Variants in TOP6BL observed in about 807,000 individuals in gnomAD.
TOP6BL encodes type 2 DNA topoisomerase 6 subunit B-like.
chr11:66,819,628 A>G, the TOP6BL span, among the ~76,000 whole-genome samples: 1 of 151,934 alleles, frequency 6.6e-6, no homozygotes, highest in Non-Finnish European at 1.5e-5. Context: ...TTGCCCGGGC[A>G]TGGTCCCTCA....
At chr11:66,772,512 T>C in the TOP6BL span, among the ~76,000 whole-genome samples, 2 of 152,016 alleles carry the variant, frequency 1.3e-5, no homozygotes, top group South Asian at 4.2e-4. Context: ...CTCATGCCTG[T>C]AATCTCAGCA....
the TOP6BL span, among the ~76,000 whole-genome samples, chr11:66,805,564 C>T: frequency 6.6e-6 from 1 of 151,568 alleles, no homozygotes; most frequent in African/African-American, 2.4e-5. Flanking sequence ...CGGACTCAAA[C>T]CATCCTCCCA....
chr11:66,753,963 C>A, the TOP6BL span, among the ~76,000 whole-genome samples: 2 of 152,216 alleles, frequency 1.3e-5, no homozygotes, highest in South Asian at 4.1e-4. Flanking sequence ...GCTCAGCCTC[C>A]CAAAGTGCTG....
the TOP6BL span, among the ~76,000 whole-genome samples, chr11:66,817,955 A>G: frequency 6.6e-6 from 1 of 152,176 alleles, no homozygotes; most frequent in Admixed American, 6.6e-5. Flanking sequence ...AGTGTTTCTC[A>G]ATGCCCTCCT....
the TOP6BL span, chr11:66,804,183 C>G: frequency 6.2e-7 from 1 of 1,608,710 alleles, no homozygotes; most frequent in Non-Finnish European, 8.5e-7. Flanking sequence ...AGGATTTCTT[C>G]AGTTTCCATA....
At chr11:66,777,308 T>G in the TOP6BL span, among the ~76,000 whole-genome samples, 1 of 151,984 alleles carries the variant, frequency 6.6e-6, no homozygotes, top group Non-Finnish European at 1.5e-5. Flanking sequence ...GCAGGATAGT[T>G]TAGTGTCTAG....
the TOP6BL span, among the ~76,000 whole-genome samples, chr11:66,819,821 T>G: frequency 6.6e-6 from 1 of 151,164 alleles, no homozygotes; most frequent in East Asian, 1.9e-4. Context: ...GATAATCACT[T>G]GAATCCAGGA....
the TOP6BL span, among the ~76,000 whole-genome samples, chr11:66,779,725 C>T: frequency 1.3e-4 from 20 of 152,128 alleles, no homozygotes; most frequent in East Asian, 1.4e-3. Flanking sequence ...ATGTTTACTG[C>T]GGCACTATTC....
the TOP6BL span, chr11:66,800,605 C>T: frequency 3.9e-6 from 6 of 1,525,776 alleles, no homozygotes; most frequent in Non-Finnish European, 3.6e-6. Flanking sequence ...TATCTTGGCT[C>T]ATGTTAAATC....
the TOP6BL span, among the ~76,000 whole-genome samples, chr11:66,795,521 C>T: frequency 4.5e-4 from 69 of 151,882 alleles, no homozygotes; most frequent in Non-Finnish European, 8.8e-4. Context: ...AGGTTGGTCT[C>T]GAACTCCTGA....
At chr11:66,757,103 G>T in the TOP6BL span, among the ~76,000 whole-genome samples, 1 of 152,034 alleles carries the variant, frequency 6.6e-6, no homozygotes, top group Non-Finnish European at 1.5e-5. Context: ...AGCACTTTGG[G>T]AGGCTGAGGC....
chr11:66,782,169 G>A, the TOP6BL span, among the ~76,000 whole-genome samples: 1 of 152,156 alleles, frequency 6.6e-6, no homozygotes, highest in Non-Finnish European at 1.5e-5. Context: ...TGGGTCTAGA[G>A]CACACCTTCA....
the TOP6BL span, among the ~76,000 whole-genome samples, chr11:66,811,137 G>C: frequency 6.6e-6 from 1 of 151,946 alleles, no homozygotes; most frequent in East Asian, 1.9e-4. Flanking sequence ...ATGTGTGTGT[G>C]TGACATATCT....
At chr11:66,798,454 G>T in the TOP6BL span, among the ~76,000 whole-genome samples, 1 of 151,802 alleles carries the variant, frequency 6.6e-6, no homozygotes. Flanking sequence ...ACAAAAATTA[G>T]TCGGGTGTGG....
chr11:66,745,793 G>GGTTTGTTTGTTTGTTT, the TOP6BL span, among the ~76,000 whole-genome samples: 1 of 151,334 alleles, frequency 6.6e-6, no homozygotes, highest in East Asian at 2.0e-4. Flanking sequence ...ATATCTTTAG[G>GGTTTGTTTGTTTGTTT]GTTTGTTTGT....
At chr11:66,756,492 C>T in the TOP6BL span, 1 of 1,067,176 alleles carries the variant, frequency 9.4e-7, no homozygotes, top group Non-Finnish European at 1.1e-6. Context: ...ACCACCATGC[C>T]TGGCTAATTA....
chr11:66,843,006 G>T, the TOP6BL span: 1 of 1,550,934 alleles, frequency 6.4e-7, no homozygotes. Flanking sequence ...GAGGAAGGGA[G>T]CACCGCGAGG....
the TOP6BL span, chr11:66,839,021 G>A: frequency 8.9e-5 from 37 of 415,468 alleles, no homozygotes; most frequent in African/African-American, 1.2e-4. Flanking sequence ...GTGAGCCACC[G>A]CGCCCGGCCT....
At chr11:66,759,133 T>G in the TOP6BL span, 11 of 1,289,590 alleles carry the variant, frequency 8.5e-6, no homozygotes, top group Non-Finnish European at 1.2e-5. Flanking sequence ...ACTGAATATC[T>G]TCCCGACAAT....
Sources: gnomAD v4.1 joint callset for allele counts (sites outside exome capture counted in the v4.1 genomes callset) on GRCh38, gnomAD v4.1.1 for gene constraint, MANE v1.5 for transcripts, NCBI Gene and HGNC (gene_info 2026-07-23, HGNC 2026-07-21) for gene names.